The following ACTR3C variants were observed in gnomAD, a reference collection of about 807,000 sequenced individuals.
The protein encoded by ACTR3C is actin-related protein 3C.
ACTR3C carries 18 observed loss-of-function variants against 26.3 expected under a neutral mutation model. That is an observed-to-expected ratio of 0.68 (90% CI 0.47 to 1.01). The LOEUF is 1.01. Ranked by LOEUF, ACTR3C falls within the 50% of genes least tolerant of loss-of-function variation. ACTR3C has a pLI of 0.00. For synonymous variants in ACTR3C, 55 were observed against 94.5 expected (o/e 0.58, Z 2.42); for missense variants, 184 against 250.7 (o/e 0.73, Z 1.80).
At chr7:149,907,526 C>T in the ACTR3C span, among the ~76,000 whole-genome samples, 1 of 148,150 alleles carries the variant, frequency 6.7e-6, no homozygotes, top group Non-Finnish European at 1.5e-5. Context: ...ACAAACTCAG[C>T]CCAACAATGT....
chr7:149,978,724 TATC>T, the ACTR3C span, among the ~76,000 whole-genome samples: 2 of 152,010 alleles, frequency 1.3e-5, no homozygotes, highest in African/African-American at 4.8e-5. Flanking sequence ...CCACTAGCCT[TATC>T]ATCATGCACA....
At chr7:149,919,052 G>C in the ACTR3C span, among the ~76,000 whole-genome samples, 2 of 152,194 alleles carry the variant, frequency 1.3e-5, no homozygotes, top group African/African-American at 2.4e-5. Flanking sequence ...TCCGGAATGT[G>C]TAAAGCAAAG....
the ACTR3C span, among the ~76,000 whole-genome samples, chr7:150,232,089 T>A: frequency 6.6e-6 from 1 of 152,232 alleles, no homozygotes. Flanking sequence ...TGTTGTCTTT[T>A]TTGAGAATTG....
At chr7:149,893,199 A>G in the ACTR3C span, among the ~76,000 whole-genome samples, 3 of 152,172 alleles carry the variant, frequency 2.0e-5, no homozygotes, top group African/African-American at 7.2e-5. Context: ...AGGTCTCGAC[A>G]TCAACACCAT....
chr7:149,918,320 A>G, the ACTR3C span, among the ~76,000 whole-genome samples: 1 of 152,166 alleles, frequency 6.6e-6, no homozygotes, highest in South Asian at 2.1e-4. Flanking sequence ...TAAACATATT[A>G]TCTAATTTCA....
At chr7:150,171,184 A>G in the ACTR3C span, among the ~76,000 whole-genome samples, 1,533 of 141,862 alleles carry the variant, frequency 0.011, 86 homozygotes, top group African/African-American at 0.041. Context: ...TCAGGTGTGC[A>G]TGGATCACTC....
the ACTR3C span, among the ~76,000 whole-genome samples, chr7:150,094,571 A>G: frequency 6.6e-6 from 1 of 150,586 alleles, no homozygotes; most frequent in Admixed American, 6.6e-5. Flanking sequence ...ACCCCTTGGC[A>G]CTAACCTATC....
At chr7:150,085,337 C>T in the ACTR3C span, among the ~76,000 whole-genome samples, 19 of 152,246 alleles carry the variant, frequency 1.2e-4, no homozygotes, top group East Asian at 3.3e-3. Context: ...GCAGATAAGA[C>T]TTCAATGCTG....
chr7:150,078,700 T>A, the ACTR3C span, among the ~76,000 whole-genome samples: 1 of 152,136 alleles, frequency 6.6e-6, no homozygotes, highest in Non-Finnish European at 1.5e-5. Flanking sequence ...GATGCCCAGA[T>A]AGCTGGTAGG....
At position 150,282,446 on chromosome 7, in the gene ACTR3C, G is replaced by C. The variant is rs1398123635; in HGVS notation, c.564+2307C>G. The stretch of plus-strand genomic sequence containing the variant: ...CTTTGTGTCTCTCCTTTCCCACAAC[G>C]GGGTATAGAGTTCAGCTATGTGACA... On this transcript the variant is annotated intron_variant, in intron 6 of 7. Transcript: ENST00000683684. Among the ~76,000 whole-genome samples, 11 of 150,552 alleles carry C rather than the reference G, an allele frequency of 7.3e-5. No individual in the cohort carries two copies. The East Asian group carries it at 1.6e-3, about 21-fold the overall frequency.
chr7:150,096,656 C>T, the ACTR3C span, among the ~76,000 whole-genome samples: 1 of 151,848 alleles, frequency 6.6e-6, no homozygotes, highest in African/African-American at 2.4e-5. Flanking sequence ...TAAGAGTAAT[C>T]TAAGCATGTT....
chr7:150,232,446 C>T, the ACTR3C span, among the ~76,000 whole-genome samples: 1 of 151,450 alleles, frequency 6.6e-6, no homozygotes, highest in Non-Finnish European at 1.5e-5. Flanking sequence ...TTTACTTTTC[C>T]TACTTTTCTG....
At chr7:150,188,330 T>C in the ACTR3C span, among the ~76,000 whole-genome samples, 3 of 151,764 alleles carry the variant, frequency 2.0e-5, no homozygotes, top group South Asian at 6.2e-4. Context: ...TTCCACTGCA[T>C]GAAAGTAACA....
chr7:150,039,803 G>T, the ACTR3C span, among the ~76,000 whole-genome samples: 4 of 128,948 alleles, frequency 3.1e-5, no homozygotes, highest in Non-Finnish European at 3.5e-5. Context: ...CTGGCTCTCA[G>T]TCCCTGCCTC....
At chr7:150,046,745 T>A in the ACTR3C span, among the ~76,000 whole-genome samples, 1 of 144,708 alleles carries the variant, frequency 6.9e-6, no homozygotes, top group Non-Finnish European at 1.5e-5. Context: ...TTGAAAGGGA[T>A]CCACAGGAGG....
chr7:150,038,090 C>A, the ACTR3C span, among the ~76,000 whole-genome samples: 1 of 141,398 alleles, frequency 7.1e-6, no homozygotes, highest in Admixed American at 6.8e-5. Context: ...GGGTGCCTCC[C>A]CCCCTGTGAT....
At chr7:150,159,797 T>C in the ACTR3C span, among the ~76,000 whole-genome samples, 1 of 151,018 alleles carries the variant, frequency 6.6e-6, no homozygotes, top group East Asian at 1.9e-4. Context: ...TCTTTTTGTT[T>C]GTTTGTTTTT....
the ACTR3C span, among the ~76,000 whole-genome samples, chr7:150,142,564 C>T: frequency 1.3e-5 from 2 of 152,098 alleles, no homozygotes; most frequent in African/African-American, 4.8e-5. Flanking sequence ...AGTCTCACTC[C>T]GTCGCCCAGG....
the ACTR3C span, among the ~76,000 whole-genome samples, chr7:150,223,446 A>T: frequency 6.6e-6 from 1 of 151,532 alleles, no homozygotes; most frequent in Admixed American, 6.6e-5. Context: ...GTGGAAGTGG[A>T]ATTATTAGAT....
Sources: allele counts gnomAD v4.1 joint callset (sites outside exome capture counted in the v4.1 genomes callset), GRCh38; gene constraint gnomAD v4.1.1; transcripts MANE v1.5; gene names NCBI Gene and HGNC (gene_info 2026-07-23, HGNC 2026-07-21).